Variants in NLGN1 observed in about 807,000 individuals in gnomAD.
NLGN1 encodes neuroligin-1.
Under a neutral mutation model 65.5 loss-of-function variants are expected in NLGN1, and 12 were observed. The observed-to-expected ratio is 0.18, with a 90% confidence interval of 0.12 to 0.30. NLGN1 has a LOEUF of 0.30. Among genes scored for constraint, NLGN1 ranks in the 10% least tolerant of loss-of-function variants. The pLI, the probability that NLGN1 is intolerant of heterozygous loss-of-function variation, is 1.00. For missense variants in NLGN1, 750 were observed against 1,007.1 expected, an observed-to-expected ratio of 0.74 and a Z score of 3.46; for synonymous variants, 350 against 359.5, an observed-to-expected ratio of 0.97 and a Z score of 0.30.
chr3:173,629,533 T>G (rs540792425), intron 3 of NLGN1, among the ~76,000 whole-genome samples: 1 of 152,298 alleles, frequency 6.6e-6, no homozygotes, highest in African/African-American at 2.4e-5. Context: ...GACTTAGCTT[T>G]AGGTATGATT....
At chr3:174,042,749 A>G (rs992297248) in intron 4 of NLGN1, among the ~76,000 whole-genome samples, 7 of 152,284 alleles carry the variant, frequency 4.6e-5, no homozygotes, top group Admixed American at 4.6e-4. Flanking sequence ...GTCCACTTAA[A>G]GATAAGGAAA....
rs1035285014 is a variant in NLGN1 at position 174,061,986 on chromosome 3, G to A, written c.647-213329G>A. 1.6e-4 allele frequency among the ~76,000 whole-genome samples: 25 copies of A among 152,172 alleles called. No individual in the cohort carries two copies. In the East Asian group the frequency reaches 2.9e-3, roughly 18 times the overall value. On this transcript the variant is annotated intron_variant, in intron 4 of 6. Transcript: ENST00000457714. ...TCTGAATTTTACTTTGAAATAAATC[G>A]GAAGCCTAGTTATTCCACAAGACTA...
intron 1 of NLGN1, among the ~76,000 whole-genome samples, chr3:173,419,993 AAAAT>A (rs1714687121): frequency 7.0e-6 from 1 of 142,698 alleles, no homozygotes; most frequent in South Asian, 2.3e-4. Context: ...AAAATAAAAT[AAAAT>A]AAAGTAAAAT....
chr3:173,445,489 TTAGA>T (rs774270073), intron 2 of NLGN1, among the ~76,000 whole-genome samples: 21 of 152,166 alleles, frequency 1.4e-4, no homozygotes, highest in Non-Finnish European at 2.8e-4. Context: ...CTTGGAGAGG[TTAGA>T]TAATTTGCCA....
intron 4 of NLGN1, among the ~76,000 whole-genome samples, chr3:174,214,335 T>G (rs911459969): frequency 6.6e-6 from 1 of 152,210 alleles, no homozygotes. Flanking sequence ...TTTCATTAGC[T>G]TTTCTGAAAT....
chr3:173,760,691 A>C (rs567547213), intron 3 of NLGN1, among the ~76,000 whole-genome samples: 7 of 152,146 alleles, frequency 4.6e-5, no homozygotes, highest in African/African-American at 1.7e-4. Flanking sequence ...TGATATAGAT[A>C]AATTTATAGA....
intron 2 of NLGN1, among the ~76,000 whole-genome samples, chr3:173,514,120 G>A (rs557091780): frequency 6.6e-6 from 1 of 152,248 alleles, no homozygotes; most frequent in African/African-American, 2.4e-5. Flanking sequence ...CAGTACATAA[G>A]TCTGATGTAT....
At chr3:173,513,461 T>A (rs1733314224) in intron 2 of NLGN1, among the ~76,000 whole-genome samples, 2 of 152,166 alleles carry the variant, frequency 1.3e-5, no homozygotes, top group South Asian at 4.1e-4. Flanking sequence ...TCAGGTAAGT[T>A]GTGATTTTCT....
At chr3:173,986,659 C>A (rs1720004235) in intron 4 of NLGN1, among the ~76,000 whole-genome samples, 1 of 152,140 alleles carries the variant, frequency 6.6e-6, no homozygotes, top group Non-Finnish European at 1.5e-5. Context: ...AATTTCTGTT[C>A]TTTAGGCTGC....
rs144369142 is a variant in NLGN1, at chr3:174,217,819, A to G, written c.647-57496A>G. Among the ~76,000 whole-genome samples, 65 of 152,136 alleles carry G rather than the reference A, an allele frequency of 4.3e-4. No homozygotes were observed. In the East Asian group the frequency reaches 0.012, roughly 28 times the overall value. On this transcript the variant is annotated intron_variant, in intron 4 of 6. Transcript: ENST00000457714. The stretch of plus-strand genomic sequence containing the variant: ...CTCAAGTAAGGCGTAACGACAGACA[A>G]TCCTTGTTCAAATAGGGGACTATAT...
intron 2 of NLGN1, among the ~76,000 whole-genome samples, chr3:173,500,393 G>A (rs934643432): frequency 3.9e-5 from 6 of 152,142 alleles, no homozygotes; most frequent in Admixed American, 1.3e-4. Flanking sequence ...TGCCTCCAAG[G>A]GATGAAGCCC....
chr3:173,526,632 T>C (rs1735687179), intron 2 of NLGN1, among the ~76,000 whole-genome samples: 1 of 152,186 alleles, frequency 6.6e-6, no homozygotes, highest in Non-Finnish European at 1.5e-5. Flanking sequence ...TAGTGATTTT[T>C]AAATGTACAA....
chr3:173,884,595 T>C (rs752912864), intron 4 of NLGN1, among the ~76,000 whole-genome samples: 2 of 152,162 alleles, frequency 1.3e-5, no homozygotes, highest in African/African-American at 2.4e-5. Context: ...CATCCACACA[T>C]ACTGATAGTA....
intron 2 of NLGN1, among the ~76,000 whole-genome samples, chr3:173,473,073 T>A (rs1174569023): frequency 2.0e-5 from 3 of 152,190 alleles, no homozygotes; most frequent in Non-Finnish European, 4.4e-5. Context: ...TATAAGAATT[T>A]TTTTGTGCAG....
At chr3:173,454,487 C>T (rs1298078133) in intron 2 of NLGN1, among the ~76,000 whole-genome samples, 3 of 152,200 alleles carry the variant, frequency 2.0e-5, no homozygotes, top group African/African-American at 7.2e-5. Flanking sequence ...CTGTAGCCAC[C>T]TTCATCAGTG....
At chr3:173,730,327 C>CCT (rs1553822088) in intron 3 of NLGN1, among the ~76,000 whole-genome samples, 1 of 138,236 alleles carries the variant, frequency 7.2e-6, no homozygotes, top group African/African-American at 2.8e-5. Context: ...ACCGCTCCCC[C>CCT]CCCCCCGCAA....
chr3:173,539,773 A>G (rs1738405510), intron 2 of NLGN1, among the ~76,000 whole-genome samples: 1 of 118,894 alleles, frequency 8.4e-6, no homozygotes, highest in Admixed American at 8.9e-5. Context: ...GTACATATAT[A>G]ACACATATAT....
chr3:173,803,033 G>A (rs1226566021), intron 3 of NLGN1, among the ~76,000 whole-genome samples: 1 of 151,792 alleles, frequency 6.6e-6, no homozygotes, highest in Non-Finnish European at 1.5e-5. Context: ...GTAGAGACAT[G>A]GTTCATCATG....
intron 4 of NLGN1, among the ~76,000 whole-genome samples, chr3:174,078,624 G>A (rs1741502348): frequency 6.6e-6 from 1 of 152,110 alleles, no homozygotes; most frequent in African/African-American, 2.4e-5. Flanking sequence ...TCATTATGAT[G>A]CTACTTCCTA....
Sources: allele counts gnomAD v4.1 joint callset (sites outside exome capture counted in the v4.1 genomes callset), GRCh38; gene constraint gnomAD v4.1.1; transcripts MANE v1.5; gene names NCBI Gene and HGNC (gene_info 2026-07-23, HGNC 2026-07-21).